POFUT2: variants seen among roughly 807,000 people sequenced by gnomAD.
POFUT2 encodes GDP-fucose protein O-fucosyltransferase 2.
A neutral mutation model predicts 55.0 loss-of-function variants in POFUT2; 30 were observed. That is an observed-to-expected ratio of 0.55 (90% CI 0.41 to 0.74). The LOEUF is 0.74. Among genes scored for constraint, POFUT2 ranks in the 30% least tolerant of loss-of-function variants. The pLI, the probability that POFUT2 is intolerant of heterozygous loss-of-function variation, is 0.00. For synonymous variants in POFUT2, 267 were observed against 231.1 expected (o/e 1.16, Z -1.41); for missense variants, 524 against 562.6 (o/e 0.93, Z 0.69).
chr21:45,268,006 G>A lies in POFUT2; in HGVS notation c.1013-293C>T, dbSNP rs182556956. ...TCCTTCTCCCTCTCCCTCTCCCCACGGTCTCCCTCTCTTTCCACGGTCTCC... is the reference window on the plus strand; with the variant it reads ...TCCTTCTCCCTCTCCCTCTCCCCACAGTCTCCCTCTCTTTCCACGGTCTCC... On this transcript the variant is annotated intron_variant, in intron 7 of 8. Transcript: ENST00000349485. Among the ~76,000 whole-genome samples, 112 of 151,856 alleles carry A rather than the reference G, an allele frequency of 7.4e-4. 2 individuals are homozygous for A. In the East Asian group the frequency reaches 0.013, roughly 18 times the overall value.
Position 45,287,730 on chromosome 21 carries a change from C to CCA in POFUT2, c.131+10_131+11insTG. 1 of 1,429,610 alleles carries CCA rather than the reference C, an allele frequency of 7.0e-7. No homozygotes were observed. 88.6% of individuals were successfully genotyped at this position (1,429,610 alleles called of 1,614,324 possible). On this transcript the variant is annotated intron_variant, in intron 1 of 8. Coordinates refer to ENST00000349485, the MANE Select transcript of POFUT2 (RefSeq NM_133635.6). The stretch of plus-strand genomic sequence containing the variant: ...GGAACCCCAGCGTTGGCACCGTGGA[C>CCA]GCGCGTTTACCGTCTGCGGGAAGCC...
At chr21:45,268,822 G>GC (rs2093185727) in intron 7 of POFUT2, among the ~76,000 whole-genome samples, 2 of 144,424 alleles carry the variant, frequency 1.4e-5, no homozygotes, top group Non-Finnish European at 1.5e-5. Context: ...GGGGGGGTCA[G>GC]CCCTCCGCCC....
At position 45,282,427 on chromosome 21, in the gene POFUT2, C is replaced by T; in HGVS notation, c.560G>A (p.Gly187Asp). The T allele has an allele frequency of 6.2e-7, 1 of 1,612,514 alleles. No individual in the cohort carries two copies. Among genetic ancestry groups the T allele is most frequent in the Non-Finnish European group, 8.5e-7 (1 of 1,178,838 alleles). The change falls in exon 4 of 9, where the codon GGT becomes GAT. Residue 187 changes from glycine (G) to aspartate (D), a missense_variant. Gly to Asp is a moderately conservative substitution (Grantham distance 94). Coordinates refer to ENST00000349485, the MANE Select transcript of POFUT2 (RefSeq NM_133635.6). The surrounding 1 kb of genome is among the most constrained non-coding windows in gnomAD (Gnocchi z 4.6). Reference protein sequence around the residue: ...GWFWGYEETRGLNVSCLSVQG... With the variant: ...GWFWGYEETRDLNVSCLSVQG... ...GACGGACAGACAGGAGACGTTTAGA[C>T]CCCTGGTCTCCTCATAACCCCAAAA...
At chr21:45,266,292 CAG>C in intron 8 of POFUT2, 3 of 1,366,532 alleles carry the variant, frequency 2.2e-6, no homozygotes, top group Non-Finnish European at 2.9e-6. Flanking sequence ...GCGCTGTACA[CAG>C]AGCCACAGGG....
chr21:45,271,679 CTA>C (rs2093220654), intron 6 of POFUT2, among the ~76,000 whole-genome samples: 2 of 152,322 alleles, frequency 1.3e-5, no homozygotes, highest in African/African-American at 4.8e-5. Flanking sequence ...AAAGGAAAAC[CTA>C]TCAGATTCAC....
At chr21:45,271,504 G>A (rs2093219488) in intron 6 of POFUT2, among the ~76,000 whole-genome samples, 1 of 152,162 alleles carries the variant, frequency 6.6e-6, no homozygotes, top group African/African-American at 2.4e-5. Context: ...AAACTTACCT[G>A]GTCTTGCTAG....
rs1238762846 is a variant in POFUT2 at position 45,270,788 on chromosome 21, C to T, written c.832-769G>A. The stretch of plus-strand genomic sequence containing the variant: ...GGTAGCCCCACTGGGTGGCTAGACC[C>T]AGAAGAGCAATAACAATCACTGCAG... On this transcript the variant is annotated intron_variant, in intron 6 of 8. Coordinates refer to ENST00000349485, the MANE Select transcript of POFUT2 (RefSeq NM_133635.6). This position sits in a 1 kb window ranked among gnomAD's most constrained non-coding sequence, Gnocchi z 4.6. Among the ~76,000 whole-genome samples, 1 of 152,210 alleles carries T rather than the reference C, an allele frequency of 6.6e-6. No individual in the cohort carries two copies. Among genetic ancestry groups the T allele is most frequent in the African/African-American group, 2.4e-5 (1 of 41,450 alleles).
chr21:45,273,524 C>A (rs186255606), intron 6 of POFUT2, among the ~76,000 whole-genome samples: 2 of 151,930 alleles, frequency 1.3e-5, no homozygotes, highest in African/African-American at 4.8e-5. Context: ...CATAAATCAA[C>A]AGACCAATAT....
rs547547344 is a variant in POFUT2 at position 45,269,656 on chromosome 21, G to GC, written c.1012+182dup. On this transcript the variant is annotated intron_variant, in intron 7 of 8. Transcript: ENST00000349485. ...ATCAGGGACACAAACACTGCGGAAGGCCGCAGGGTCCTCTGCCTAGGAAAA... is the reference window on the plus strand; with the variant it reads ...ATCAGGGACACAAACACTGCGGAAGGCCCGCAGGGTCCTCTGCCTAGGAAAA... Among the ~76,000 whole-genome samples, 757 of 152,000 alleles carry GC rather than the reference G, an allele frequency of 5.0e-3. 5 individuals are homozygous for GC. The highest frequency in any genetic ancestry group is 0.017 in the African/African-American group (697 of 41,360).
intron 6 of POFUT2, among the ~76,000 whole-genome samples, chr21:45,271,336 A>C (rs1403499275): frequency 6.6e-6 from 1 of 152,220 alleles, no homozygotes; most frequent in Non-Finnish European, 1.5e-5. Context: ...AATTAGCCCA[A>C]TCCAACAAAC....
chr21:45,264,519 C>A lies in POFUT2; in HGVS notation c.*963G>T. The A allele has an allele frequency of 6.6e-6, 1 of 152,246 alleles. No individual in the cohort carries two copies. Among genetic ancestry groups the A allele is most frequent in the East Asian group, 1.9e-4 (1 of 5,190 alleles). The allele number at this position is 152,246 out of a possible 1,614,324, so 9.4% of individuals were successfully genotyped here. A position where few individuals can be genotyped will look rare whatever the true frequency, so the allele number is the denominator to read the frequency against. On this transcript the variant is annotated 3_prime_UTR_variant, in exon 9 of 9. Coordinates refer to ENST00000349485, the MANE Select transcript of POFUT2 (RefSeq NM_133635.6). ...TCTGTAAAATGGGTACAAGGAGCTC[C>A]CTGATAAAGCAGCTCATCCTAGACA...
rs980261389 is a variant in POFUT2 at position 45,266,030 on chromosome 21, G to C, written c.1137-395C>G. On this transcript the variant is annotated intron_variant, in intron 8 of 8. Coordinates refer to ENST00000349485, the MANE Select transcript of POFUT2 (RefSeq NM_133635.6). ...GAGAGATTCCTACTAACCACACACT[G>C]TCTAGCCAGGGCATGGCGGGTCCTT... 4.1e-6 allele frequency: 5 copies of C among 1,222,150 alleles called. No individual in the cohort carries two copies. The African/African-American group carries it at 7.8e-5, about 19-fold the overall frequency. The allele number at this position is 1,222,150 out of a possible 1,614,324, so 75.7% of individuals were successfully genotyped here.
At chr21:45,283,210 G>C (rs1481788531) in intron 3 of POFUT2, 173 bp downstream of exon 3, 93 of 431,828 alleles carry the variant, frequency 2.2e-4, no homozygotes, top group Non-Finnish European at 3.5e-4. Flanking sequence ...CGGGGGGAGT[G>C]GGGGGTGAAG....
At chr21:45,268,811 T>C (rs1413683913) in intron 7 of POFUT2, among the ~76,000 whole-genome samples, 4 of 132,094 alleles carry the variant, frequency 3.0e-5, no homozygotes, top group African/African-American at 1.2e-4. Flanking sequence ...GGGAGGGAGG[T>C]GGGGGGGTCA....
rs955818600 is a variant in POFUT2 at position 45,267,597 on chromosome 21, G to A, written c.1129C>T (p.His377Tyr). ...VAIIDQWICA[H>Y]ARFFIGTSVS... ...AGTGACGTGGGCAGGCACCTGGCGT[G>A]TGCGCAGATCCACTGGTCAATAATC... Residue 377 changes from histidine to tyrosine, a missense_variant, in exon 8 of 9, where the codon CAC (histidine) becomes TAC (tyrosine). Physicochemically the swap from His to Tyr is moderately conservative, Grantham distance 83. This residue lies in a region of POFUT2 where 250 missense variants were observed against 318.2 expected (regional missense o/e 0.79). Coordinates refer to ENST00000349485, the MANE Select transcript of POFUT2 (RefSeq NM_133635.6). This position sits in a 1 kb window ranked among gnomAD's most constrained non-coding sequence, Gnocchi z 4.4. 6.8e-6 allele frequency: 11 copies of A among 1,614,204 alleles called. No homozygotes were observed. The highest frequency in any genetic ancestry group is 9.3e-6 in the Non-Finnish European group (11 of 1,180,048).
At position 45,270,737 on chromosome 21, in the gene POFUT2, C is replaced by T. The variant is rs2093211980; in HGVS notation, c.832-718G>A. ...ATCACAGCACAGGACTCTCCGCAGA[C>T]ATTCCCCAGCAGCATCCCAGGGCCT... On this transcript the variant is annotated intron_variant, in intron 6 of 8. Transcript: ENST00000349485. The surrounding 1 kb of genome is among the most constrained non-coding windows in gnomAD (Gnocchi z 4.6). Among the ~76,000 whole-genome samples the T allele has an allele frequency of 6.6e-6, 1 of 152,242 alleles. No homozygotes were observed. Among genetic ancestry groups the T allele is most frequent in the South Asian group, 2.1e-4 (1 of 4,834 alleles).
chr21:45,277,447 C>A lies in POFUT2; in HGVS notation c.706-305G>T. ...CCCTGGCTGGCACAACTGTGTGCAG[C>A]TCCTTCCCCTCAGTCTCTCCCCAAC... On this transcript the variant is annotated intron_variant, in intron 5 of 8. Coordinates refer to ENST00000349485, the MANE Select transcript of POFUT2 (RefSeq NM_133635.6). The surrounding 1 kb of genome is among the most constrained non-coding windows in gnomAD (Gnocchi z 6.9). The A allele has an allele frequency of 2.6e-6, 1 of 390,460 alleles. No homozygotes were observed. Among genetic ancestry groups the A allele is most frequent in the Non-Finnish European group, 4.8e-6 (1 of 208,988 alleles). The allele number at this position is 390,460 out of a possible 1,614,324, so 24.2% of individuals were successfully genotyped here. A position where few individuals can be genotyped will look rare whatever the true frequency, so the allele number is the denominator to read the frequency against.
chr21:45,265,579 T>C lies in POFUT2; in HGVS notation c.1193A>G (p.Glu398Gly), dbSNP rs1179075750. The C allele has an allele frequency of 6.2e-7, 1 of 1,613,936 alleles. No homozygotes were observed. The highest frequency in any genetic ancestry group is 1.3e-5 in the African/African-American group (1 of 74,878). The change falls in exon 9 of 9, where the codon GAA (glutamate) becomes GGA (glycine). Residue 398 changes from glutamate (E) to glycine (G), a missense_variant. By Grantham distance (98) the Glu-to-Gly change is moderately conservative (BLOSUM62 -2). Around this residue, in one of 2 missense-constraint regions of POFUT2, gnomAD observed 250 missense variants for 318.2 expected, o/e 0.79. Coordinates refer to ENST00000349485, the MANE Select transcript of POFUT2 (RefSeq NM_133635.6). This position sits in a 1 kb window ranked among gnomAD's most constrained non-coding sequence, Gnocchi z 4.6. The stretch of plus-strand genomic sequence containing the variant: ...CGTCTTGGGGTCCAACCCCAGGATT[T>C]CTCTTTCCTCATGAATCCGAAAAGA... ...TFSFRIHEEREILGLDPKTTY... is the reference protein window; with the variant it reads ...TFSFRIHEERGILGLDPKTTY...
rs1292101998 is a variant in POFUT2 at position 45,266,611 on chromosome 21, G to A, written c.1137-976C>T. ...CTGGGCTCCTGCACACCTCCGCCCT[G>A]ACCTAAGAAGTCAGCGCTGCATCCT... On this transcript the variant is annotated intron_variant, in intron 8 of 8. Coordinates refer to ENST00000349485, the MANE Select transcript of POFUT2 (RefSeq NM_133635.6). 3 of 1,023,622 alleles carry A rather than the reference G, an allele frequency of 2.9e-6. No homozygotes were observed. The East Asian group carries it at 2.7e-4, about 93-fold the overall frequency. The allele number at this position is 1,023,622 out of a possible 1,614,324, so 63.4% of individuals were successfully genotyped here.
Sources: gnomAD v4.1 joint callset for allele counts (sites outside exome capture counted in the v4.1 genomes callset) on GRCh38, gnomAD v4.1.1 for gene constraint, gnomAD v4.1.1 regional missense constraint, Gnocchi (gnomAD v3.1) non-coding constraint, MANE v1.5 for transcripts, NCBI Gene and HGNC (gene_info 2026-07-23, HGNC 2026-07-21) for gene names.